ATOSA: variants seen among roughly 807,000 people sequenced by gnomAD.
ATOSA encodes atos homolog A.
chr15:52,638,696 GCC>G, the ATOSA span, among the ~76,000 whole-genome samples: 1 of 28,668 alleles, frequency 3.5e-5, no homozygotes. Flanking sequence ...GTGAGACTCT[GCC>G]AAAAAAAAAA....
chr15:52,657,876 G>GA, the ATOSA span: 4 of 152,238 alleles, frequency 2.6e-5, no homozygotes, highest in South Asian at 4.1e-4. Context: ...GTAGAAAAAA[G>GA]AAAAAATCAG....
the ATOSA span, among the ~76,000 whole-genome samples, chr15:52,697,546 G>A: frequency 1.2e-4 from 18 of 152,152 alleles, no homozygotes; most frequent in African/African-American, 1.7e-4. Context: ...TCTTTAATGC[G>A]TAAGAATATG....
chr15:52,674,461 A>G, the ATOSA span, among the ~76,000 whole-genome samples: 1 of 152,108 alleles, frequency 6.6e-6, no homozygotes, highest in Non-Finnish European at 1.5e-5. Context: ...ATAACATTAA[A>G]TTTTCCAGCT....
chr15:52,653,309 A>G, the ATOSA span, among the ~76,000 whole-genome samples: 1 of 152,336 alleles, frequency 6.6e-6, no homozygotes, highest in African/African-American at 2.4e-5. Flanking sequence ...ATTTCATATC[A>G]GACCCAGAAT....
At chr15:52,653,868 T>A in the ATOSA span, among the ~76,000 whole-genome samples, 1 of 152,194 alleles carries the variant, frequency 6.6e-6, no homozygotes, top group Non-Finnish European at 1.5e-5. Context: ...TATATTTTTA[T>A]ACAATATTTG....
At chr15:52,698,826 A>G in the ATOSA span, among the ~76,000 whole-genome samples, 4 of 152,320 alleles carry the variant, frequency 2.6e-5, no homozygotes. Flanking sequence ...CAAGCTACAC[A>G]CTGAAGATTA....
At chr15:52,669,288 GTTCT>G in the ATOSA span, among the ~76,000 whole-genome samples, 2 of 152,092 alleles carry the variant, frequency 1.3e-5, no homozygotes, top group Non-Finnish European at 1.5e-5. Flanking sequence ...CCTATGGTTA[GTTCT>G]TTCATAAAAT....
the ATOSA span, among the ~76,000 whole-genome samples, chr15:52,696,294 A>G: frequency 1.3e-5 from 2 of 151,896 alleles, no homozygotes; most frequent in Non-Finnish European, 2.9e-5. Context: ...TCCCCTACAC[A>G]CCCTGCAATA....
At chr15:52,661,680 G>A in the ATOSA span, among the ~76,000 whole-genome samples, 1 of 152,122 alleles carries the variant, frequency 6.6e-6, no homozygotes, top group South Asian at 2.1e-4. Flanking sequence ...GAGTACCCTG[G>A]TAAATACCTC....
At chr15:52,705,361 G>T in the ATOSA span, among the ~76,000 whole-genome samples, 7 of 152,064 alleles carry the variant, frequency 4.6e-5, no homozygotes, top group Admixed American at 6.6e-5. Context: ...GTTGGGGAGT[G>T]GGGGGCTGGG....
At chr15:52,607,155 T>C in the ATOSA span, among the ~76,000 whole-genome samples, 1 of 152,188 alleles carries the variant, frequency 6.6e-6, no homozygotes, top group African/African-American at 2.4e-5. Context: ...ATACGACTTA[T>C]TTACGGTCAC....
At chr15:52,705,552 G>T in the ATOSA span, among the ~76,000 whole-genome samples, 1 of 152,032 alleles carries the variant, frequency 6.6e-6, no homozygotes, top group Admixed American at 6.6e-5. Context: ...AAAACTTTGT[G>T]GTTGAAAGTA....
chr15:52,666,848 T>C, the ATOSA span, among the ~76,000 whole-genome samples: 1 of 151,568 alleles, frequency 6.6e-6, no homozygotes, highest in Admixed American at 6.6e-5. Context: ...GATTAAACAA[T>C]GTAAGGACTA....
At chr15:52,582,562 T>C in the ATOSA span, among the ~76,000 whole-genome samples, 1 of 152,196 alleles carries the variant, frequency 6.6e-6, no homozygotes, top group African/African-American at 2.4e-5. Context: ...TTCCTGTAAA[T>C]CTGAGTGTCA....
At chr15:52,602,097 C>T in the ATOSA span, among the ~76,000 whole-genome samples, 3 of 152,020 alleles carry the variant, frequency 2.0e-5, no homozygotes, top group Non-Finnish European at 2.9e-5. Context: ...ATGGCTTTTT[C>T]GTATTTTACT....
At chr15:52,586,647 G>A in the ATOSA span, 1 of 155,220 alleles carries the variant, frequency 6.4e-6, no homozygotes, top group African/African-American at 2.4e-5. Context: ...TGAGCCAAAA[G>A]AGATCAATGC....
At chr15:52,583,148 G>T in the ATOSA span, among the ~76,000 whole-genome samples, 1 of 152,160 alleles carries the variant, frequency 6.6e-6, no homozygotes, top group Admixed American at 6.5e-5. Context: ...AACTGAAGGA[G>T]AACATTCTTT....
chr15:52,691,299 G>A, the ATOSA span, among the ~76,000 whole-genome samples: 1 of 152,092 alleles, frequency 6.6e-6, no homozygotes, highest in Non-Finnish European at 1.5e-5. Context: ...TAGTCTCATT[G>A]GTTGCTATAG....
chr15:52,706,207 G>C, the ATOSA span, among the ~76,000 whole-genome samples: 1 of 152,166 alleles, frequency 6.6e-6, no homozygotes, highest in East Asian at 1.9e-4. Context: ...GCAAGATGGA[G>C]TGAGAACTAT....
Sources: allele counts gnomAD v4.1 joint callset (sites outside exome capture counted in the v4.1 genomes callset), GRCh38; gene constraint gnomAD v4.1.1; transcripts MANE v1.5; gene names NCBI Gene and HGNC (gene_info 2026-07-23, HGNC 2026-07-21).